Variants in LRP1B observed in about 807,000 individuals in gnomAD.
LRP1B encodes LDL receptor related protein 1B.
In LRP1B, 217 loss-of-function variants were observed where a neutral mutation model predicts 556.6. The observed-to-expected ratio is 0.39, with a 90% CI of 0.35 to 0.44. LRP1B has a LOEUF of 0.44. Among genes scored for constraint, LRP1B ranks in the 20% least tolerant of loss-of-function variants. The pLI is 1.00. For missense variants in LRP1B, 5,053 were observed against 5,620.8 expected (o/e 0.90, Z 3.23); for synonymous variants, 2,047 against 1,865.8 (o/e 1.10, Z -2.50).
rs1206487577 is a variant in LRP1B at position 141,247,287 on chromosome 2, A to G, written c.531T>C (p.Thr177=). The change falls in exon 5 of 91, where the codon ACT becomes ACC. Residue 177 remains threonine (T), a synonymous_variant. Transcript: ENST00000389484. ...QTCRNTHGSY[T]CSCVEGYLMQ... is the part of the protein sequence containing the mutation. The stretch of plus-strand genomic sequence containing the variant: ...TTAGGTAGCCTTCCACACAACTGCA[A>G]GTGTAGGATCCATGTGTGTTTCTGC... The G allele has an allele frequency of 6.2e-7, 1 of 1,613,658 alleles. No homozygotes were observed. The highest frequency in any genetic ancestry group is 8.5e-7 in the Non-Finnish European group (1 of 1,179,786).
intron 41 of LRP1B, among the ~76,000 whole-genome samples, chr2:140,660,630 T>C (rs527353229): frequency 6.6e-6 from 1 of 152,246 alleles, no homozygotes; most frequent in South Asian, 2.1e-4. Flanking sequence ...AACAAAGTTT[T>C]GGTTGTTTAT....
intron 7 of LRP1B, among the ~76,000 whole-genome samples, chr2:141,132,487 A>G (rs1310375443): frequency 6.6e-6 from 1 of 152,024 alleles, no homozygotes; most frequent in Non-Finnish European, 1.5e-5. Flanking sequence ...TTCTCAGCCT[A>G]CAAAACTGAG....
intron 83 of LRP1B, among the ~76,000 whole-genome samples, chr2:140,305,284 A>G (rs1181589603): frequency 6.6e-6 from 1 of 152,276 alleles, no homozygotes; most frequent in South Asian, 2.1e-4. Flanking sequence ...CTTCCTATCC[A>G]TGAGCATGGA....
At chr2:141,781,738 A>T (rs961068924) in intron 2 of LRP1B, among the ~76,000 whole-genome samples, 1 of 152,190 alleles carries the variant, frequency 6.6e-6, no homozygotes, top group Non-Finnish European at 1.5e-5. Flanking sequence ...AGTTACACAG[A>T]CATAGATAAA....
At chr2:140,973,003 A>C (rs1202229386) in intron 18 of LRP1B, among the ~76,000 whole-genome samples, 1 of 147,288 alleles carries the variant, frequency 6.8e-6, no homozygotes, top group Non-Finnish European at 1.5e-5. Flanking sequence ...TTACATATGT[A>C]ACATGTTTAG....
rs780186916 is a variant in LRP1B at position 140,503,050 on chromosome 2, G to A, written c.8575C>T (p.Leu2859=). 6.2e-7 allele frequency: 1 copy of A among 1,613,254 alleles called. No individual in the cohort carries two copies. Among genetic ancestry groups the A allele is most frequent in the Admixed American group, 1.7e-5 (1 of 59,934 alleles). ...EFSCADGRCL[L]NTQWQCDGDF... ...CCATCACACTGCCATTGAGTATTTA[G>A]AAGACACCGCCCATCAGCACAACTA... The change falls in exon 54 of 91, where the codon CTA becomes TTA. Residue 2859 remains leucine (L), a synonymous_variant. Coordinates refer to ENST00000389484, the MANE Select transcript of LRP1B (RefSeq NM_018557.3).
At chr2:140,401,530 C>G (rs1012749773) in intron 66 of LRP1B, among the ~76,000 whole-genome samples, 2 of 152,194 alleles carry the variant, frequency 1.3e-5, no homozygotes, top group Non-Finnish European at 2.9e-5. Flanking sequence ...AATGGAGAGT[C>G]AGAGTGCTGA....
intron 12 of LRP1B, 77 bp from the exon 13 acceptor site, chr2:141,015,992 G>T: frequency 9.2e-7 from 1 of 1,088,080 alleles, no homozygotes; most frequent in Non-Finnish European, 1.4e-6. Flanking sequence ...CCTCAGATTT[G>T]GCAGTTCCAT....
chr2:140,494,903 A>G (rs1688851024), intron 56 of LRP1B, among the ~76,000 whole-genome samples: 1 of 152,174 alleles, frequency 6.6e-6, no homozygotes, highest in Admixed American at 6.6e-5. Flanking sequence ...CAAGCGGAAT[A>G]GAGATGCCCT....
intron 1 of LRP1B, among the ~76,000 whole-genome samples, chr2:141,831,954 C>T (rs758613563): frequency 4.6e-5 from 7 of 151,672 alleles, no homozygotes; most frequent in Non-Finnish European, 1.0e-4. Context: ...TTCTCTAGTT[C>T]AATGCCTTTC....
intron 1 of LRP1B, among the ~76,000 whole-genome samples, chr2:142,016,428 C>G (rs545395104): frequency 6.6e-6 from 1 of 152,202 alleles, no homozygotes; most frequent in East Asian, 1.9e-4. Flanking sequence ...GGAACCAACC[C>G]AAATGCCCAT....
At chr2:140,811,052 T>C (rs1690906386) in intron 32 of LRP1B, among the ~76,000 whole-genome samples, 1 of 152,092 alleles carries the variant, frequency 6.6e-6, no homozygotes, top group African/African-American at 2.4e-5. Flanking sequence ...TTTTTTTTGT[T>C]TTTGTTTTTT....
chr2:141,382,267 G>T (rs13383617), intron 3 of LRP1B, among the ~76,000 whole-genome samples: 7 of 152,236 alleles, frequency 4.6e-5, no homozygotes, highest in Middle Eastern at 3.4e-3. Context: ...TTCACATGAG[G>T]TACCAGAGGG....
intron 32 of LRP1B, among the ~76,000 whole-genome samples, chr2:140,805,196 CT>C (rs954772265): frequency 1.3e-5 from 2 of 152,112 alleles, no homozygotes; most frequent in Non-Finnish European, 2.9e-5. Flanking sequence ...AATTTAATCT[CT>C]TTTTAATGTT....
chr2:141,508,123 A>C (rs1165728481), intron 2 of LRP1B, among the ~76,000 whole-genome samples: 1 of 151,878 alleles, frequency 6.6e-6, no homozygotes, highest in African/African-American at 2.4e-5. Flanking sequence ...AAAAATTAAA[A>C]CATAGCTCTA....
intron 11 of LRP1B, among the ~76,000 whole-genome samples, chr2:141,039,446 T>C (rs989228218): frequency 6.6e-6 from 1 of 152,058 alleles, no homozygotes; most frequent in African/African-American, 2.4e-5. Flanking sequence ...ATCCATGGTT[T>C]CAGGTATCCA....
chr2:141,058,719 C>A (rs961107460), intron 9 of LRP1B, among the ~76,000 whole-genome samples, 164 bp downstream of exon 9: 5 of 151,802 alleles, frequency 3.3e-5, no homozygotes, highest in African/African-American at 9.7e-5. Flanking sequence ...GTCATTTAGA[C>A]TTGTGACGGG....
chr2:140,867,894 T>A (rs1693000210), intron 26 of LRP1B, 60 bp from the exon 27 acceptor site: 2 of 1,450,014 alleles, frequency 1.4e-6, no homozygotes, highest in Non-Finnish European at 1.8e-6. Flanking sequence ...TCCAGAGACA[T>A]AATCATGTAA....
chr2:141,504,820 T>C (rs1683863314), intron 2 of LRP1B, among the ~76,000 whole-genome samples: 1 of 152,104 alleles, frequency 6.6e-6, no homozygotes, highest in Non-Finnish European at 1.5e-5. Context: ...TTAATTCAAA[T>C]GAGTGTAAAT....
Sources: gnomAD v4.1 joint callset for allele counts (sites outside exome capture counted in the v4.1 genomes callset) on GRCh38, gnomAD v4.1.1 for gene constraint, MANE v1.5 for transcripts, NCBI Gene and HGNC (gene_info 2026-07-23, HGNC 2026-07-21) for gene names.